MYH16: variants seen among roughly 807,000 people sequenced by gnomAD.
MYH16 encodes the protein putative uncharacterized protein MYH16.
At chr7:99,283,135 G>C (rs1226413740) in intron 23 of MYH16, among the ~76,000 whole-genome samples, 1 of 152,174 alleles carries the variant, frequency 6.6e-6, no homozygotes, top group Non-Finnish European at 1.5e-5. Context: ...GGGTCTCACT[G>C]TTGCTCAGGC....
chr7:99,264,374 G>A (rs1465990269), intron 15 of MYH16: 1 of 152,672 alleles, frequency 6.5e-6, no homozygotes, highest in African/African-American at 2.4e-5. Flanking sequence ...TTCATGGCCA[G>A]GGGCAGGATG....
At chr7:99,288,101 C>T (rs1439435813) in exon 29 of MYH16, 1 of 456,576 alleles carries the variant, frequency 2.2e-6, no homozygotes, top group African/African-American at 2.0e-5. Flanking sequence ...AGATTGATGA[C>T]CTCAATGCCA....
chr7:99,288,029 T>C (rs1036485897), exon 29 of MYH16: 65 of 456,534 alleles, frequency 1.4e-4, no homozygotes, highest in African/African-American at 1.2e-3. Context: ...TGACGGAGCA[T>C]GTGGAGAGCC....
At chr7:99,275,076 C>A (rs904182622) in intron 20 of MYH16, among the ~76,000 whole-genome samples, 1 of 152,084 alleles carries the variant, frequency 6.6e-6, no homozygotes, top group Non-Finnish European at 1.5e-5. Context: ...CTCACTGCAG[C>A]CTCTAACTCC....
exon 11 of MYH16, chr7:99,258,182 C>A (rs1381199883): frequency 1.3e-5 from 2 of 152,624 alleles, no homozygotes; most frequent in Non-Finnish European, 2.9e-5. Flanking sequence ...AAAGGCATTA[C>A]CAGGCCCCGA....
chr7:99,281,368 GC>G, intron 23 of MYH16, among the ~76,000 whole-genome samples: 1 of 151,686 alleles, frequency 6.6e-6, no homozygotes. Context: ...ACCAGCCCGG[GC>G]AACATGGCAA....
At chr7:99,287,416 C>G (rs1235119596) in intron 28 of MYH16, among the ~76,000 whole-genome samples, 1 of 151,746 alleles carries the variant, frequency 6.6e-6, no homozygotes, top group African/African-American at 2.4e-5. Context: ...CACCTGTAAT[C>G]CCAGCTACTT....
chr7:99,279,262 G>A (rs1792166180), intron 21 of MYH16, among the ~76,000 whole-genome samples: 1 of 151,518 alleles, frequency 6.6e-6, no homozygotes, highest in Non-Finnish European at 1.5e-5. Flanking sequence ...GGGAGGATGA[G>A]GTGGGAGGAC....
chr7:99,305,771 T>C (rs1423768932), intron 40 of MYH16, 65 bp from the exon 22 acceptor site: 2 of 152,842 alleles, frequency 1.3e-5, no homozygotes, highest in African/African-American at 2.4e-5. Context: ...AGCAGGACCC[T>C]GTCAGAAAAA....
chr7:99,294,500 C>CAAAAAAAA (rs1159682450), intron 33 of MYH16, among the ~76,000 whole-genome samples: 11 of 25,530 alleles, frequency 4.3e-4, no homozygotes, highest in Admixed American at 2.4e-3. Context: ...GACCCTGTCT[C>CAAAAAAAA]AAAAAAAAAA....
At chr7:99,260,526 ATTG>A in intron 12 of MYH16, 1 of 323,438 alleles carries the variant, frequency 3.1e-6, no homozygotes, top group Non-Finnish European at 6.0e-6. Flanking sequence ...TTGTTGGGCT[ATTG>A]CATGCCACCA....
intron 3 of MYH16, among the ~76,000 whole-genome samples, chr7:99,248,442 C>A (rs1791759902): frequency 6.6e-6 from 1 of 152,250 alleles, no homozygotes; most frequent in Admixed American, 6.5e-5. Context: ...GTTGCCCAGG[C>A]TGGAGTGCAG....
downstream of MYH16, among the ~76,000 whole-genome samples, chr7:99,307,217 C>T (rs1049824528): frequency 6.6e-5 from 10 of 152,286 alleles, no homozygotes; most frequent in East Asian, 3.9e-4. Flanking sequence ...TGTTATCTTT[C>T]GTGTCCCCCA....
At chr7:99,246,140 A>G (rs904113613) in intron 2 of MYH16, among the ~76,000 whole-genome samples, 2 of 151,552 alleles carry the variant, frequency 1.3e-5, no homozygotes, top group African/African-American at 4.9e-5. Flanking sequence ...CAGGAGTTCA[A>G]GGCTGCAGTG....
intron 28 of MYH16, among the ~76,000 whole-genome samples, chr7:99,287,486 A>ATG (rs1180604117): frequency 7.0e-6 from 1 of 142,336 alleles, no homozygotes; most frequent in African/African-American, 2.6e-5. Context: ...GTGAGCCGAG[A>ATG]TGTGCCATTG....
At chr7:99,285,145 C>T (rs1366112915) in intron 26 of MYH16, among the ~76,000 whole-genome samples, 2 of 152,276 alleles carry the variant, frequency 1.3e-5, no homozygotes, top group Non-Finnish European at 2.9e-5. Flanking sequence ...ACCTCATCAC[C>T]GAGTGTTTCC....
At chr7:99,267,534 C>A (rs1284042250) in intron 18 of MYH16, among the ~76,000 whole-genome samples, 1 of 152,184 alleles carries the variant, frequency 6.6e-6, no homozygotes, top group Admixed American at 6.5e-5. Flanking sequence ...CTGGCCTGAG[C>A]CCTGAGTGTC....
downstream of MYH16, among the ~76,000 whole-genome samples, chr7:99,308,155 C>T (rs1486943162): frequency 6.6e-6 from 1 of 151,718 alleles, no homozygotes; most frequent in African/African-American, 2.4e-5. Flanking sequence ...ATTAGCCAGG[C>T]GTGATGGCAC....
intron 37 of MYH16, among the ~76,000 whole-genome samples, chr7:99,300,890 T>A (rs541531199): frequency 6.6e-6 from 1 of 151,860 alleles, no homozygotes; most frequent in African/African-American, 2.4e-5. Flanking sequence ...TGGTGATAAG[T>A]CCTATGGAGA....
Sources: gnomAD v4.1 joint callset for allele counts (sites outside exome capture counted in the v4.1 genomes callset) on GRCh38, gnomAD v4.1.1 for gene constraint, MANE v1.5 for transcripts, NCBI Gene and HGNC (gene_info 2026-07-23, HGNC 2026-07-21) for gene names.